Variants in ZNF423 observed in about 807,000 individuals in gnomAD.
ZNF423 encodes zinc finger protein 423.
In ZNF423, 12 loss-of-function variants were observed where a neutral mutation model predicts 95.8. That is an observed-to-expected ratio of 0.13 (90% CI 0.08 to 0.20). The LOEUF is 0.20. ZNF423 is among the 10% of genes least tolerant of loss of function. ZNF423 has a pLI of 1.00. For missense variants in ZNF423, 1,316 were observed against 1,737.1 expected (o/e 0.76, Z 4.31); for synonymous variants, 749 against 711.9 (o/e 1.05, Z -0.83).
intron 2 of ZNF423, among the ~76,000 whole-genome samples, chr16:49,757,350 A>G (rs1241171718): frequency 6.6e-6 from 1 of 152,216 alleles, no homozygotes; most frequent in African/African-American, 2.4e-5. Flanking sequence ...GGGAGCCTTC[A>G]GTAATGAGTC....
intron 2 of ZNF423, among the ~76,000 whole-genome samples, chr16:49,734,725 G>C (rs1170573308): frequency 6.6e-6 from 1 of 152,168 alleles, no homozygotes; most frequent in African/African-American, 2.4e-5. Flanking sequence ...CGACCTGTCC[G>C]TCCAGCTGAC....
intron 5 of ZNF423, among the ~76,000 whole-genome samples, chr16:49,528,272 G>A (rs1272448193): frequency 2.0e-5 from 3 of 151,498 alleles, no homozygotes; most frequent in Admixed American, 6.6e-5. Flanking sequence ...TCCGAGTGCC[G>A]AGCAATTCAT....
chr16:49,692,379 T>C (rs1362467950), intron 3 of ZNF423, among the ~76,000 whole-genome samples: 3 of 152,110 alleles, frequency 2.0e-5, no homozygotes, highest in African/African-American at 7.2e-5. Flanking sequence ...CACAGCCCGA[T>C]GCAGAGCCAA....
At chr16:49,574,977 A>G (rs142677965) in intron 5 of ZNF423, among the ~76,000 whole-genome samples, 29 of 152,260 alleles carry the variant, frequency 1.9e-4, no homozygotes, top group African/African-American at 7.0e-4. Flanking sequence ...AACTGCTAGA[A>G]GGCCCAGATG....
intron 2 of ZNF423, among the ~76,000 whole-genome samples, chr16:49,779,528 T>A (rs936799063): frequency 1.2e-4 from 19 of 152,008 alleles, no homozygotes; most frequent in African/African-American, 2.4e-5. Flanking sequence ...TGTTCAAGTT[T>A]GAGGAGCACT....
intron 5 of ZNF423, among the ~76,000 whole-genome samples, chr16:49,563,900 A>G (rs904354401): frequency 6.6e-6 from 1 of 152,238 alleles, no homozygotes; most frequent in African/African-American, 2.4e-5. Context: ...CATGCCACCA[A>G]TGGGCAGAGC....
At chr16:49,551,209 G>A (rs1315489482) in intron 5 of ZNF423, among the ~76,000 whole-genome samples, 1 of 152,210 alleles carries the variant, frequency 6.6e-6, no homozygotes, top group Non-Finnish European at 1.5e-5. Flanking sequence ...AAATGTTTTT[G>A]CAACTAAGAA....
chr16:49,803,133 T>C (rs1318627308), intron 1 of ZNF423, among the ~76,000 whole-genome samples: 1 of 152,006 alleles, frequency 6.6e-6, no homozygotes, highest in African/African-American at 2.4e-5. Flanking sequence ...GTGGCATGCA[T>C]GTGTAGTCGC....
intron 1 of ZNF423, among the ~76,000 whole-genome samples, chr16:49,819,807 T>C (rs1192349076): frequency 1.3e-5 from 2 of 152,116 alleles, no homozygotes; most frequent in African/African-American, 2.4e-5. Flanking sequence ...AACCTCACAA[T>C]GGTATGAAAG....
chr16:49,638,153 G>T lies in ZNF423; in HGVS notation c.1023C>A (p.Ser341=). Residue 341 remains serine, a synonymous_variant, in exon 4 of 8, where the codon TCC becomes TCA. Transcript: ENST00000563137. The surrounding 1 kb of genome is among the most constrained non-coding windows in gnomAD (Gnocchi z 5.6). ...HKCPMCPEQF[S]SVEGVYCHLD... ...GGTGGCAGTAGACACCTTCCACTGAGGAGAACTGCTCAGGGCACATGGGGC... is the reference window on the plus strand; with the variant it reads ...GGTGGCAGTAGACACCTTCCACTGATGAGAACTGCTCAGGGCACATGGGGC... The T allele has an allele frequency of 6.2e-7, 1 of 1,610,826 alleles. No homozygotes were observed. Among genetic ancestry groups the T allele is most frequent in the Non-Finnish European group, 8.5e-7 (1 of 1,179,998 alleles).
chr16:49,787,995 C>T (rs2034345387), intron 2 of ZNF423, among the ~76,000 whole-genome samples: 1 of 152,216 alleles, frequency 6.6e-6, no homozygotes, highest in Non-Finnish European at 1.5e-5. Flanking sequence ...CCATGGGGAA[C>T]GCACTCCCCG....
intron 3 of ZNF423, among the ~76,000 whole-genome samples, chr16:49,671,244 G>C (rs1439590803): frequency 6.6e-6 from 1 of 152,176 alleles, no homozygotes; most frequent in Non-Finnish European, 1.5e-5. Flanking sequence ...ACTGCCCCCT[G>C]GGAGAGGCAG....
At chr16:49,613,858 A>G (rs1247901093) in intron 5 of ZNF423, among the ~76,000 whole-genome samples, 2 of 151,624 alleles carry the variant, frequency 1.3e-5, no homozygotes, top group African/African-American at 4.9e-5. Flanking sequence ...AAAATGGACC[A>G]TGGCCTAAAA....
chr16:49,811,243 G>C (rs1177360597), intron 1 of ZNF423, among the ~76,000 whole-genome samples: 1 of 152,178 alleles, frequency 6.6e-6, no homozygotes, highest in South Asian at 2.1e-4. Flanking sequence ...GTCTGCTTGG[G>C]GGTAGTGAGG....
At chr16:49,576,778 G>A (rs1970513756) in intron 5 of ZNF423, among the ~76,000 whole-genome samples, 1 of 152,240 alleles carries the variant, frequency 6.6e-6, no homozygotes, top group Admixed American at 6.5e-5. Context: ...GGCACTGGGT[G>A]TGATTCCCAG....
chr16:49,583,087 C>T (rs1305535823), intron 5 of ZNF423, among the ~76,000 whole-genome samples: 1 of 152,180 alleles, frequency 6.6e-6, no homozygotes, highest in Non-Finnish European at 1.5e-5. Context: ...AAAGGCCAGC[C>T]AAGAAGAACC....
chr16:49,558,517 A>G (rs1969912830), intron 5 of ZNF423, among the ~76,000 whole-genome samples: 1 of 152,200 alleles, frequency 6.6e-6, no homozygotes, highest in South Asian at 2.1e-4. Context: ...GGCCCTCCCC[A>G]GTGTGCAGGA....
chr16:49,655,960 T>C (rs562940442), intron 3 of ZNF423, among the ~76,000 whole-genome samples: 1 of 152,104 alleles, frequency 6.6e-6, no homozygotes, highest in South Asian at 2.1e-4. Context: ...GTTCATCGGG[T>C]CCAGGGCAAG....
intron 2 of ZNF423, among the ~76,000 whole-genome samples, chr16:49,760,011 G>C (rs1188475168): frequency 9.4e-6 from 1 of 106,546 alleles, no homozygotes; most frequent in Non-Finnish European, 1.7e-5. Context: ...TGGATGGGTA[G>C]ATCAATGGGT....
Sources: gnomAD v4.1 joint callset for allele counts (sites outside exome capture counted in the v4.1 genomes callset) on GRCh38, gnomAD v4.1.1 for gene constraint, Gnocchi (gnomAD v3.1) non-coding constraint, MANE v1.5 for transcripts, NCBI Gene and HGNC (gene_info 2026-07-23, HGNC 2026-07-21) for gene names.